The following DSC2 variants were observed in gnomAD, a reference collection of about 807,000 sequenced individuals.
DSC2 encodes desmocollin 2, also known as desmocollin-2.
Under a neutral mutation model 87.6 loss-of-function variants are expected in DSC2, and 51 were observed. That is an observed-to-expected ratio of 0.58 (90% CI 0.46 to 0.74). DSC2 has a LOEUF of 0.74. Among genes scored for constraint, DSC2 ranks in the 30% least tolerant of loss-of-function variants. The probability of loss-of-function intolerance (pLI) is 0.00; values close to 1 mark genes in which losing one functional copy is unlikely to be tolerated. For missense variants in DSC2, 1,066 were observed against 1,089.5 expected (o/e 0.98, Z 0.30); for synonymous variants, 383 against 393.2 (o/e 0.97, Z 0.31).
rs906296145 is a variant in DSC2 at position 31,066,184 on chromosome 18, A to C, written c.*1831T>G. The C allele has an allele frequency of 2.0e-5, 3 of 152,210 alleles. No individual in the cohort carries two copies. Among genetic ancestry groups the C allele is most frequent in the Admixed American group, 2.0e-4 (3 of 15,264 alleles). 9.4% of individuals were successfully genotyped at this position (152,210 alleles called of 1,614,324 possible). ...TACCCCATGGCCTCACAGCCTTTAG[A>C]ATAGTCATATTATATAAATATGGCA... On this transcript the variant is annotated 3_prime_UTR_variant, in exon 16 of 16. Coordinates refer to ENST00000280904, the MANE Select transcript of DSC2 (RefSeq NM_024422.6).
rs1163776183 is a variant in DSC2, at chr18:31,070,717, A to C, written c.2250+9T>G. 1 of 1,613,676 alleles carries C rather than the reference A, an allele frequency of 6.2e-7. No individual in the cohort carries two copies. Among genetic ancestry groups the C allele is most frequent in the Admixed American group, 1.7e-5 (1 of 60,016 alleles). On this transcript the variant is annotated intron_variant, in intron 14 of 15. Coordinates refer to ENST00000280904, the MANE Select transcript of DSC2 (RefSeq NM_024422.6). Reference sequence around the variant, plus strand: ...CCTTTGTATTTATTTAAAAAGCCAGACTACTTACCACTTTGTCATCTCCAG... The same window carrying C: ...CCTTTGTATTTATTTAAAAAGCCAGCCTACTTACCACTTTGTCATCTCCAG...
intron 11 of DSC2, 73 bp downstream of exon 11, chr18:31,079,774 A>G (rs374437864): frequency 6.4e-7 from 1 of 1,570,318 alleles, no homozygotes; most frequent in South Asian, 1.1e-5. Context: ...TTTAAAATGT[A>G]TACTGTTGGC....
chr18:31,090,601 A>G (rs1386819154), intron 4 of DSC2, among the ~76,000 whole-genome samples: 1 of 152,144 alleles, frequency 6.6e-6, no homozygotes, highest in Non-Finnish European at 1.5e-5. Flanking sequence ...AGAGAGAGAG[A>G]AAGAAATGTG....
intron 9 of DSC2, among the ~76,000 whole-genome samples, chr18:31,081,055 A>T (rs1987203271): frequency 6.6e-6 from 1 of 152,290 alleles, no homozygotes; most frequent in East Asian, 1.9e-4. Flanking sequence ...AATACATGAG[A>T]TACTCCTTTA....
rs1384885715 is a variant in DSC2 at position 31,064,358 on chromosome 18, GTC to G, written c.*3655_*3656del. ...TTCTCATAGAAGCACAGTCCTTCTAGTCTCTGTTTTAAAAGGCTACATATGAC... is the reference window on the plus strand; with the variant it reads ...TTCTCATAGAAGCACAGTCCTTCTAGTCTGTTTTAAAAGGCTACATATGAC... On this transcript the variant is annotated 3_prime_UTR_variant, in exon 16 of 16. Coordinates refer to ENST00000280904, the MANE Select transcript of DSC2 (RefSeq NM_024422.6). 1 of 152,138 alleles carries G rather than the reference GTC, an allele frequency of 6.6e-6. No individual in the cohort carries two copies. The highest frequency in any genetic ancestry group is 2.4e-5 in the African/African-American group (1 of 41,434). The allele number at this position is 152,138 out of a possible 1,614,324, so 9.4% of individuals were successfully genotyped here. A position where few individuals can be genotyped will look rare whatever the true frequency, so the allele number is the denominator to read the frequency against.
intron 2 of DSC2, 92 bp from the exon 3 acceptor site, chr18:31,092,392 T>C: frequency 3.9e-6 from 4 of 1,023,098 alleles, no homozygotes; most frequent in Non-Finnish European, 6.0e-6. Context: ...GCCAAAAACT[T>C]AAAATTCATT....
chr18:31,099,792 G>A (rs1987877225), intron 1 of DSC2, among the ~76,000 whole-genome samples: 1 of 152,146 alleles, frequency 6.6e-6, no homozygotes, highest in Admixed American at 6.5e-5. Flanking sequence ...AGGAAAAGCT[G>A]ATTTGTGGAA....
Position 31,060,209 on chromosome 18 carries a change from T to C in DSC2, c.*7806A>G, listed in dbSNP as rs1006631057. 6.6e-6 allele frequency: 1 copy of C among 152,228 alleles called. No homozygotes were observed. The highest frequency in any genetic ancestry group is 2.4e-5 in the African/African-American group (1 of 41,464). The allele number at this position is 152,228 out of a possible 1,614,324, so 9.4% of individuals were successfully genotyped here. A position where few individuals can be genotyped will look rare whatever the true frequency, so the allele number is the denominator to read the frequency against. On this transcript the variant is annotated 3_prime_UTR_variant, in exon 16 of 16. Coordinates refer to ENST00000280904, the MANE Select transcript of DSC2 (RefSeq NM_024422.6). ...TGCCACTGAGACAAACATCCTTGCA[T>C]GTGAGTAGAATCTTTACACTATTCT...
intron 11 of DSC2, among the ~76,000 whole-genome samples, chr18:31,075,477 A>C (rs1358035490): frequency 6.6e-6 from 1 of 152,226 alleles, no homozygotes; most frequent in East Asian, 1.9e-4. Context: ...AGACTCCAGG[A>C]GTAGAAAATT....
chr18:31,095,293 G>C (rs1487949113), intron 1 of DSC2, among the ~76,000 whole-genome samples: 1 of 152,184 alleles, frequency 6.6e-6, no homozygotes, highest in Non-Finnish European at 1.5e-5. Context: ...AGGGAAGAGT[G>C]ACAGGAGAAG....
In DSC2 at chr18:31,063,589, G is replaced by C. The variant is rs1256683090; in HGVS notation, c.*4426C>G. The C allele has an allele frequency of 6.6e-6, 1 of 151,998 alleles. No homozygotes were observed. The highest frequency in any genetic ancestry group is 2.4e-5 in the African/African-American group (1 of 41,388). The allele number at this position is 151,998 out of a possible 1,614,324, so 9.4% of individuals were successfully genotyped here. A position where few individuals can be genotyped will look rare whatever the true frequency, so the allele number is the denominator to read the frequency against. On this transcript the variant is annotated 3_prime_UTR_variant, in exon 16 of 16. Coordinates refer to ENST00000280904, the MANE Select transcript of DSC2 (RefSeq NM_024422.6). ...AAAAAGAGAACTAATCATGAGCAAGGCACAAATTGAAAAATGAAGGATACA... is the reference window on the plus strand; with the variant it reads ...AAAAAGAGAACTAATCATGAGCAAGCCACAAATTGAAAAATGAAGGATACA...
intron 8 of DSC2, among the ~76,000 whole-genome samples, 166 bp downstream of exon 8, chr18:31,082,760 G>A (rs1284641790): frequency 1.3e-5 from 2 of 152,152 alleles, no homozygotes; most frequent in Non-Finnish European, 2.9e-5. Flanking sequence ...ATTTCACCAT[G>A]TTGGCCAGGC....
chr18:31,098,704 C>T (rs1221359322), intron 1 of DSC2, among the ~76,000 whole-genome samples: 2 of 152,182 alleles, frequency 1.3e-5, no homozygotes, highest in African/African-American at 2.4e-5. Flanking sequence ...ATCCTCCCAC[C>T]TCAGGCTCCC....
At chr18:31,075,541 T>C (rs556909621) in intron 11 of DSC2, among the ~76,000 whole-genome samples, 5 of 152,314 alleles carry the variant, frequency 3.3e-5, no homozygotes, top group African/African-American at 1.2e-4. Context: ...TTCATCTATC[T>C]GTATATTCAA....
At chr18:31,097,064 C>T (rs749992529) in intron 1 of DSC2, among the ~76,000 whole-genome samples, 8 of 151,746 alleles carry the variant, frequency 5.3e-5, no homozygotes, top group Non-Finnish European at 1.0e-4. Flanking sequence ...GGGCAGATCA[C>T]GAGGTCAGGA....
chr18:31,096,861 G>A (rs1240624298), intron 1 of DSC2, among the ~76,000 whole-genome samples: 2 of 152,016 alleles, frequency 1.3e-5, no homozygotes, highest in South Asian at 2.1e-4. Context: ...ATAGGAAGAT[G>A]TAAAAAAAAT....
rs1986663366 is a variant in DSC2 at position 31,067,530 on chromosome 18, T to C, written c.*485A>G. 1 of 163,238 alleles carries C rather than the reference T, an allele frequency of 6.1e-6. No individual in the cohort carries two copies. The highest frequency in any genetic ancestry group is 1.6e-4 in the South Asian group (1 of 6,166). 10.1% of individuals were successfully genotyped at this position (163,238 alleles called of 1,614,324 possible). A position where few individuals can be genotyped will look rare whatever the true frequency, so the allele number is the denominator to read the frequency against. On this transcript the variant is annotated 3_prime_UTR_variant, in exon 16 of 16. Coordinates refer to ENST00000280904, the MANE Select transcript of DSC2 (RefSeq NM_024422.6). ...CCCTTTGCACAGTGAAAAGGTCACA[T>C]TACAAGAATAAAATAATAGCAAGAA...
intron 7 of DSC2, among the ~76,000 whole-genome samples, chr18:31,084,451 T>C (rs1027181091): frequency 1.3e-5 from 2 of 152,132 alleles, no homozygotes; most frequent in African/African-American, 4.8e-5. Flanking sequence ...TATCTTCAGA[T>C]GGAAGAGAAA....
At chr18:31,085,627 T>A (rs1271346943) in intron 7 of DSC2, among the ~76,000 whole-genome samples, 1 of 152,006 alleles carries the variant, frequency 6.6e-6, no homozygotes, top group Non-Finnish European at 1.5e-5. Flanking sequence ...TGTAATAATG[T>A]CAAGCATTGG....
Sources: allele counts gnomAD v4.1 joint callset (sites outside exome capture counted in the v4.1 genomes callset), GRCh38; gene constraint gnomAD v4.1.1; transcripts MANE v1.5; gene names NCBI Gene and HGNC (gene_info 2026-07-23, HGNC 2026-07-21).